DDX10: variants seen among roughly 807,000 people sequenced by gnomAD.
DDX10 encodes the protein DEAD-box helicase 10.
A neutral mutation model predicts 104.3 loss-of-function variants in DDX10; 74 were observed. That is an observed-to-expected ratio of 0.71 (90% confidence interval 0.59 to 0.86). The LOEUF is 0.86. Ranked by LOEUF, DDX10 falls within the 40% of genes least tolerant of loss-of-function variation. DDX10 has a pLI of 0.00. For missense variants in DDX10, 952 were observed against 1,040.0 expected, an observed-to-expected ratio of 0.92 and a Z score of 1.16; for synonymous variants, 351 against 353.4, an observed-to-expected ratio of 0.99 and a Z score of 0.08.
At chr11:108,735,562 A>G (rs757322154) in intron 13 of DDX10, among the ~76,000 whole-genome samples, 2 of 152,156 alleles carry the variant, frequency 1.3e-5, no homozygotes, top group Non-Finnish European at 2.9e-5. Flanking sequence ...GGTTTTAAGC[A>G]TTGAAAATAT....
chr11:108,878,508 G>A (rs1020081485), intron 16 of DDX10, among the ~76,000 whole-genome samples: 12 of 151,932 alleles, frequency 7.9e-5, no homozygotes, highest in African/African-American at 2.7e-4. Context: ...CCCTAATGTG[G>A]CAATTTAATT....
Position 108,689,072 on chromosome 11 carries a change from G to A in DDX10, c.975+10G>A. The stretch of plus-strand genomic sequence containing the variant: ...TTCCAGTTGCAAAGAGGTATTGGCT[G>A]TTTATTTTGCTTTCTGAACGTATGT... On this transcript the variant is annotated intron_variant, in intron 7 of 17. Coordinates refer to ENST00000322536, the MANE Select transcript of DDX10 (RefSeq NM_004398.4). The A allele has an allele frequency of 6.2e-7, 1 of 1,612,418 alleles. No individual in the cohort carries two copies. The highest frequency in any genetic ancestry group is 8.5e-7 in the Non-Finnish European group (1 of 1,179,356).
chr11:108,703,039 T>A (rs965792712), intron 9 of DDX10, among the ~76,000 whole-genome samples: 1 of 152,246 alleles, frequency 6.6e-6, no homozygotes, highest in African/African-American at 2.4e-5. Context: ...AGATGCTTGT[T>A]ATCGGGCGGC....
chr11:108,814,585 G>T (rs999438257), intron 13 of DDX10, among the ~76,000 whole-genome samples: 2 of 152,030 alleles, frequency 1.3e-5, no homozygotes, highest in African/African-American at 2.4e-5. Context: ...GTATAAAAAT[G>T]AATATAGCAT....
chr11:108,825,509 T>C (rs1203305456), intron 13 of DDX10, among the ~76,000 whole-genome samples: 1 of 152,220 alleles, frequency 6.6e-6, no homozygotes, highest in African/African-American at 2.4e-5. Context: ...TTTTGCCTTA[T>C]GGTCCTCCTT....
At chr11:108,862,582 AACTT>A in intron 16 of DDX10, among the ~76,000 whole-genome samples, 1 of 152,304 alleles carries the variant, frequency 6.6e-6, no homozygotes. Context: ...TACCTCCTAA[AACTT>A]ACAAAACAAT....
chr11:108,759,428 C>T (rs926450344), intron 13 of DDX10, among the ~76,000 whole-genome samples: 16 of 151,394 alleles, frequency 1.1e-4, no homozygotes, highest in Admixed American at 2.6e-4. Flanking sequence ...TTTGAACTTA[C>T]GCTAACCATC....
At chr11:108,742,400 TA>T (rs1287904458) in intron 13 of DDX10, among the ~76,000 whole-genome samples, 35 of 151,018 alleles carry the variant, frequency 2.3e-4, no homozygotes, top group African/African-American at 8.0e-4. Context: ...ACCCTGTCTC[TA>T]CTAAAAATAA....
At chr11:108,729,147 T>G (rs2094308884) in intron 13 of DDX10, among the ~76,000 whole-genome samples, 1 of 152,028 alleles carries the variant, frequency 6.6e-6, no homozygotes, top group Admixed American at 6.6e-5. Context: ...TTCAAAAATT[T>G]TACCCCCAAA....
chr11:108,687,277 C>G (rs2094245684), intron 6 of DDX10, among the ~76,000 whole-genome samples: 1 of 152,050 alleles, frequency 6.6e-6, no homozygotes, highest in African/African-American at 2.4e-5. Flanking sequence ...TAACTTTTGC[C>G]TGTTGACATA....
chr11:108,749,082 C>A (rs1239990567), intron 13 of DDX10, among the ~76,000 whole-genome samples: 1 of 151,492 alleles, frequency 6.6e-6, no homozygotes, highest in African/African-American at 2.4e-5. Flanking sequence ...CTCTCTCTCT[C>A]TCTCTATATA....
At chr11:108,679,309 A>G (rs2094231144) in intron 5 of DDX10, 62 bp from the exon 6 acceptor site, 2 of 1,368,196 alleles carry the variant, frequency 1.5e-6, no homozygotes, top group East Asian at 4.7e-5. Flanking sequence ...CAGGATACCC[A>G]TTGCATTTAG....
At chr11:108,867,857 G>C (rs1383810774) in intron 16 of DDX10, among the ~76,000 whole-genome samples, 1 of 152,092 alleles carries the variant, frequency 6.6e-6, no homozygotes, top group Admixed American at 6.5e-5. Context: ...AATCTCTCTG[G>C]ACCCAGAGGG....
At chr11:108,665,623 A>G (rs2094209145) in intron 1 of DDX10, among the ~76,000 whole-genome samples, 1 of 152,178 alleles carries the variant, frequency 6.6e-6, no homozygotes, top group African/African-American at 2.4e-5. Flanking sequence ...ACTGATGACA[A>G]TAGTGGTAAT....
chr11:108,706,354 A>AT (rs5794601), intron 9 of DDX10, among the ~76,000 whole-genome samples: 58 of 151,878 alleles, frequency 3.8e-4, no homozygotes, highest in South Asian at 2.1e-4. Context: ...AGAGGAATTG[A>AT]TTTTTTTTTA....
At chr11:108,857,819 A>G (rs1862891269) in intron 16 of DDX10, among the ~76,000 whole-genome samples, 1 of 152,232 alleles carries the variant, frequency 6.6e-6, no homozygotes, top group Non-Finnish European at 1.5e-5. Context: ...GTAGTCAAGA[A>G]TATTCAATTT....
intron 13 of DDX10, among the ~76,000 whole-genome samples, chr11:108,802,836 A>G (rs186587212): frequency 7.2e-5 from 11 of 152,346 alleles, no homozygotes; most frequent in African/African-American, 2.6e-4. Context: ...TGTAGATTTG[A>G]CCAAAACCAA....
intron 16 of DDX10, among the ~76,000 whole-genome samples, chr11:108,909,127 G>A (rs1448333952): frequency 6.6e-6 from 1 of 152,218 alleles, no homozygotes; most frequent in Non-Finnish European, 1.5e-5. Flanking sequence ...TCAGGGTAGA[G>A]GCTGGTTACC....
At chr11:108,687,447 C>T (rs1213567571) in intron 6 of DDX10, among the ~76,000 whole-genome samples, 1 of 152,130 alleles carries the variant, frequency 6.6e-6, no homozygotes, top group Non-Finnish European at 1.5e-5. Context: ...GTAGCTGGGA[C>T]TATAGGCACA....
Sources: gnomAD v4.1 joint callset for allele counts (sites outside exome capture counted in the v4.1 genomes callset) on GRCh38, gnomAD v4.1.1 for gene constraint, MANE v1.5 for transcripts, NCBI Gene and HGNC (gene_info 2026-07-23, HGNC 2026-07-21) for gene names.